TMEM38B: variants seen among roughly 807,000 people sequenced by gnomAD.
TMEM38B encodes trimeric intracellular cation channel type B.
TMEM38B carries 24 observed loss-of-function variants against 28.7 expected under a neutral mutation model. That is an observed-to-expected ratio of 0.84 (90% CI 0.61 to 1.18). TMEM38B has a LOEUF of 1.18. Among genes scored for constraint, TMEM38B ranks in the 50% most tolerant of loss-of-function variants. The pLI, the probability that TMEM38B is intolerant of heterozygous loss-of-function variation, is 0.00. For synonymous variants in TMEM38B, 131 were observed against 127.7 expected, an observed-to-expected ratio of 1.03 and a Z score of -0.17; for missense variants, 380 against 350.9, an observed-to-expected ratio of 1.08 and a Z score of -0.66.
chr9:105,724,586 G>A (rs1588419588), intron 4 of TMEM38B, among the ~76,000 whole-genome samples: 3 of 150,622 alleles, frequency 2.0e-5, no homozygotes, highest in South Asian at 2.1e-4. Context: ...TCGCACCACT[G>A]CACTCCAGCC....
chr9:105,720,836 A>G (rs1836290441), intron 2 of TMEM38B, among the ~76,000 whole-genome samples: 1 of 152,168 alleles, frequency 6.6e-6, no homozygotes, highest in South Asian at 2.1e-4. Context: ...TACTGCTAGT[A>G]TTCGAATAGA....
intron 5 of TMEM38B, among the ~76,000 whole-genome samples, chr9:105,766,246 C>G (rs1564419045): frequency 6.6e-6 from 1 of 152,186 alleles, no homozygotes; most frequent in African/African-American, 2.4e-5. Context: ...TATGAGAGTT[C>G]TGATTGTCCT....
intron 5 of TMEM38B, among the ~76,000 whole-genome samples, chr9:105,763,666 G>C (rs1023226745): frequency 6.6e-6 from 1 of 152,182 alleles, no homozygotes; most frequent in East Asian, 1.9e-4. Flanking sequence ...GGAGCAACTG[G>C]TACCATTCCT....
intron 2 of TMEM38B, among the ~76,000 whole-genome samples, chr9:105,716,633 G>GC (rs1836108695): frequency 6.6e-5 from 10 of 151,896 alleles, no homozygotes; most frequent in African/African-American, 2.4e-4. Context: ...TTTGAACTGT[G>GC]TGAATCCACT....
At chr9:105,749,079 C>T in intron 5 of TMEM38B, 1 of 1,303,478 alleles carries the variant, frequency 7.7e-7, no homozygotes, top group South Asian at 1.2e-5. Context: ...TCAGTAGTCT[C>T]TGAATTGGAG....
In TMEM38B at chr9:105,705,898, AG is replaced by A. The variant is rs199874260; in HGVS notation, c.269+149del. 2.9e-4 allele frequency: 212 copies of A among 741,866 alleles called. 1 individual carries two copies. The highest frequency in any genetic ancestry group is 1.2e-3 in the Middle Eastern group (3 of 2,434). 46.0% of individuals were successfully genotyped at this position (741,866 alleles called of 1,614,324 possible). On this transcript the variant is annotated intron_variant, in intron 2 of 5. Coordinates refer to ENST00000374692, the MANE Select transcript of TMEM38B (RefSeq NM_018112.3). The stretch of plus-strand genomic sequence containing the variant: ...CAAGGAAGGAACCCAAATAATGCTA[AG>A]GGGTTTTTTTTTTTTTTTTGAGACG...
At chr9:105,733,922 TG>T (rs1276309676) in intron 4 of TMEM38B, among the ~76,000 whole-genome samples, 2 of 152,104 alleles carry the variant, frequency 1.3e-5, no homozygotes, top group African/African-American at 4.8e-5. Context: ...TCAGTTTGAT[TG>T]ATTTTTTTCC....
chr9:105,751,881 C>A (rs991510598), intron 5 of TMEM38B, among the ~76,000 whole-genome samples: 1 of 152,030 alleles, frequency 6.6e-6, no homozygotes, highest in Non-Finnish European at 1.5e-5. Context: ...CCTCACTGGG[C>A]AGGACCTTCC....
intron 2 of TMEM38B, among the ~76,000 whole-genome samples, chr9:105,713,089 G>A (rs1835965699): frequency 6.6e-6 from 1 of 152,242 alleles, no homozygotes; most frequent in Admixed American, 6.5e-5. Flanking sequence ...CCAAGTTGGT[G>A]GGGCTGGAGC....
At position 105,746,562 on chromosome 9, in the gene TMEM38B, T is replaced by C. The variant is rs1034822436; in HGVS notation, c.543-1511T>C. Among the ~76,000 whole-genome samples the C allele has an allele frequency of 2.0e-4, 30 of 152,064 alleles. 1 individual carries two copies. Among genetic ancestry groups the C allele is most frequent in the Non-Finnish European group, 2.8e-4 (19 of 67,978 alleles). On this transcript the variant is annotated intron_variant, in intron 4 of 5. Coordinates refer to ENST00000374692, the MANE Select transcript of TMEM38B (RefSeq NM_018112.3). ...ACTTCCTCTTTTCCTAACTGAATAC[T>C]CTTTATTTCTTTCTCCTGCCTGATT... is the stretch of plus-strand genomic sequence containing the variant.
chr9:105,710,354 T>C (rs931047162), intron 2 of TMEM38B: 2 of 735,780 alleles, frequency 2.7e-6, no homozygotes, highest in South Asian at 1.6e-5. Context: ...TCTAGGATTA[T>C]ATGATCTTCT....
chr9:105,731,337 G>T (rs1210917022), intron 4 of TMEM38B, among the ~76,000 whole-genome samples: 1 of 151,548 alleles, frequency 6.6e-6, no homozygotes, highest in Non-Finnish European at 1.5e-5. Flanking sequence ...TTAAGTTCTA[G>T]GGTACATGCG....
chr9:105,709,321 T>C (rs534548073), intron 2 of TMEM38B, among the ~76,000 whole-genome samples: 43 of 152,268 alleles, frequency 2.8e-4, no homozygotes, highest in African/African-American at 9.9e-4. Context: ...TTAAAACAAA[T>C]CATTTTTTAA....
At chr9:105,726,382 T>C (rs1836513431) in intron 4 of TMEM38B, among the ~76,000 whole-genome samples, 1 of 152,182 alleles carries the variant, frequency 6.6e-6, no homozygotes, top group Admixed American at 6.6e-5. Context: ...TTTTCTGTTT[T>C]TAAGATTTGT....
chr9:105,701,230 G>A (rs1835451272), intron 1 of TMEM38B: 1 of 152,040 alleles, frequency 6.6e-6, no homozygotes. Flanking sequence ...CCAGGAGTAG[G>A]GTTTGAACTT....
At chr9:105,744,980 T>C (rs1272082642) in intron 4 of TMEM38B, among the ~76,000 whole-genome samples, 5 of 152,214 alleles carry the variant, frequency 3.3e-5, no homozygotes, top group African/African-American at 1.2e-4. Context: ...CTTAATCCAG[T>C]CTATCATTGT....
chr9:105,705,857 A>G, intron 2 of TMEM38B, 104 bp downstream of exon 2: 2 of 1,261,036 alleles, frequency 1.6e-6, no homozygotes, highest in Non-Finnish European at 2.2e-6. Flanking sequence ...ACGTGCTTGA[A>G]AAGTTAATGC....
At chr9:105,700,775 T>C (rs775826910) in intron 1 of TMEM38B, among the ~76,000 whole-genome samples, 1 of 152,200 alleles carries the variant, frequency 6.6e-6, no homozygotes, top group Non-Finnish European at 1.5e-5. Flanking sequence ...TGGTGGCAGC[T>C]GAGTTTTGCA....
At position 105,774,123 on chromosome 9, in the gene TMEM38B, A is replaced by G. The variant is rs761760009; in HGVS notation, c.*43A>G. 6.5e-7 allele frequency: 1 copy of G among 1,538,100 alleles called. No individual in the cohort carries two copies. Among genetic ancestry groups the G allele is most frequent in the Non-Finnish European group, 8.9e-7 (1 of 1,121,708 alleles). On this transcript the variant is annotated 3_prime_UTR_variant, in exon 6 of 6. Coordinates refer to ENST00000374692, the MANE Select transcript of TMEM38B (RefSeq NM_018112.3). ...TACAAGGCCAAAAATTTTTTTTCTTATCTACCTGTTATATTGTGCTAATTT... is the reference window on the plus strand; with the variant it reads ...TACAAGGCCAAAAATTTTTTTTCTTGTCTACCTGTTATATTGTGCTAATTT...
Sources: allele counts gnomAD v4.1 joint callset (sites outside exome capture counted in the v4.1 genomes callset), GRCh38; gene constraint gnomAD v4.1.1; transcripts MANE v1.5; gene names NCBI Gene and HGNC (gene_info 2026-07-23, HGNC 2026-07-21).